Variants in RAN observed in about 807,000 individuals in gnomAD.
RAN encodes GTP-binding nuclear protein Ran.
Under a neutral mutation model 26.8 loss-of-function variants are expected in RAN, and 2 were observed. The observed-to-expected ratio is 0.07, with a 90% confidence interval of 0.03 to 0.23. The LOEUF (loss-of-function observed/expected upper bound fraction) is 0.23, where lower values mean the gene tolerates loss of function less well. RAN is among the 10% of genes least tolerant of loss of function. The pLI, the probability that RAN is intolerant of heterozygous loss-of-function variation, is 1.00. For missense variants in RAN, 56 were observed against 264.8 expected (o/e 0.21, Z 5.47); for synonymous variants, 132 against 95.9 (o/e 1.38, Z -2.20).
chr12:130,876,014 T>C lies in RAN; in HGVS notation c.*88T>C. 1 of 1,350,482 alleles carries C rather than the reference T, an allele frequency of 7.4e-7. No homozygotes were observed. The highest frequency in any genetic ancestry group is 2.3e-5 in the East Asian group (1 of 43,564). 83.7% of individuals were successfully genotyped at this position (1,350,482 alleles called of 1,614,324 possible). ...CGGTGCAGCGTGTGTGCCACCTCAT[T>C]ATTATCTAGCTAAGCGGAACATGTG... On this transcript the variant is annotated 3_prime_UTR_variant, in exon 7 of 7. Coordinates refer to ENST00000543796, the MANE Select transcript of RAN (RefSeq NM_006325.5).
intron 4 of RAN, chr12:130,873,981 T>G (rs2136402136): frequency 2.6e-6 from 1 of 377,538 alleles, no homozygotes; most frequent in Non-Finnish European, 5.4e-6. Flanking sequence ...CTGAGTAGCT[T>G]GGACTATAGG....
chr12:130,874,461 C>G, intron 4 of RAN, 85 bp from the exon 5 acceptor site: 1 of 1,100,924 alleles, frequency 9.1e-7, no homozygotes, highest in South Asian at 1.6e-5. Flanking sequence ...AAGACTATAA[C>G]TAGTTGAATC....
At chr12:130,873,295 T>C in intron 4 of RAN, 167 bp downstream of exon 4, 1 of 863,888 alleles carries the variant, frequency 1.2e-6, no homozygotes, top group Non-Finnish European at 1.8e-6. Flanking sequence ...GAGAAAATTT[T>C]ATTAAAGTTG....
chr12:130,873,293 T>G, intron 4 of RAN, 165 bp downstream of exon 4: 1 of 864,072 alleles, frequency 1.2e-6, no homozygotes, highest in East Asian at 2.6e-5. Flanking sequence ...CAGAGAAAAT[T>G]TTATTAAAGT....
chr12:130,875,409 G>T (rs1953220541), intron 5 of RAN, among the ~76,000 whole-genome samples: 1 of 151,324 alleles, frequency 6.6e-6, no homozygotes, highest in Admixed American at 6.6e-5. Context: ...TGTGGAGTTG[G>T]GGTCTTGCTC....
chr12:130,875,201 G>T (rs1953216445), intron 5 of RAN, among the ~76,000 whole-genome samples: 1 of 152,040 alleles, frequency 6.6e-6, no homozygotes, highest in African/African-American at 2.4e-5. Context: ...GGCCCGGTTG[G>T]TCAGCTGAAA....
chr12:130,874,029 T>C, intron 4 of RAN: 1 of 391,310 alleles, frequency 2.6e-6, no homozygotes, highest in Non-Finnish European at 5.2e-6. Flanking sequence ...TGTATTTTTT[T>C]GTAGAGATGG....
At position 130,876,130 on chromosome 12, in the gene RAN, T is replaced by A; in HGVS notation, c.*204T>A. ...ACTTCATTGTTTGGACCTGCATATTTAGCTGTTTTGGAACGCAGTTGATTC... is the reference window on the plus strand; with the variant it reads ...ACTTCATTGTTTGGACCTGCATATTAAGCTGTTTTGGAACGCAGTTGATTC... On this transcript the variant is annotated 3_prime_UTR_variant, in exon 7 of 7. Coordinates refer to ENST00000543796, the MANE Select transcript of RAN (RefSeq NM_006325.5). 1 of 604,452 alleles carries A rather than the reference T, an allele frequency of 1.7e-6. No individual in the cohort carries two copies. Among genetic ancestry groups the A allele is most frequent in the Non-Finnish European group, 2.9e-6 (1 of 346,634 alleles). The allele number at this position is 604,452 out of a possible 1,614,324, so 37.4% of individuals were successfully genotyped here.
rs1383663303 is a variant in RAN at position 130,877,526 on chromosome 12, T to G, written c.*1600T>G. ...GTGTTGTTTGTAACCTTGTGGAGATTGCAAGTGGTGTTGACATTCTGGATC... is the reference window on the plus strand; with the variant it reads ...GTGTTGTTTGTAACCTTGTGGAGATGGCAAGTGGTGTTGACATTCTGGATC... On this transcript the variant is annotated 3_prime_UTR_variant, in exon 7 of 7. Transcript: ENST00000543796. The G allele has an allele frequency of 1.3e-5, 2 of 152,228 alleles. No homozygotes were observed. The highest frequency in any genetic ancestry group is 2.9e-5 in the Non-Finnish European group (2 of 68,046). 9.4% of individuals were successfully genotyped at this position (152,228 alleles called of 1,614,324 possible). A position where few individuals can be genotyped will look rare whatever the true frequency, so the allele number is the denominator to read the frequency against.
Position 130,876,010 on chromosome 12 carries a change from T to C in RAN, c.*84T>C. Reference sequence around the variant, plus strand: ...TCAGCGGTGCAGCGTGTGTGCCACCTCATTATTATCTAGCTAAGCGGAACA... The same window carrying C: ...TCAGCGGTGCAGCGTGTGTGCCACCCCATTATTATCTAGCTAAGCGGAACA... On this transcript the variant is annotated 3_prime_UTR_variant, in exon 7 of 7. Coordinates refer to ENST00000543796, the MANE Select transcript of RAN (RefSeq NM_006325.5). 1 of 1,366,788 alleles carries C rather than the reference T, an allele frequency of 7.3e-7. No homozygotes were observed. Among genetic ancestry groups the C allele is most frequent in the Non-Finnish European group, 1.0e-6 (1 of 961,704 alleles). The allele number at this position is 1,366,788 out of a possible 1,614,324, so 84.7% of individuals were successfully genotyped here.
rs1953272488 is a variant in RAN at position 130,877,599 on chromosome 12, ACG to A, written c.*1674_*1675del. 5 of 152,220 alleles carry A rather than the reference ACG, an allele frequency of 3.3e-5. No homozygotes were observed. Among genetic ancestry groups the A allele is most frequent in the African/African-American group, 1.2e-4 (5 of 41,432 alleles). 9.4% of individuals were successfully genotyped at this position (152,220 alleles called of 1,614,324 possible). On this transcript the variant is annotated 3_prime_UTR_variant, in exon 7 of 7. Coordinates refer to ENST00000543796, the MANE Select transcript of RAN (RefSeq NM_006325.5). ...GGAAGTGACGTCACTTACCTGTCTA[ACG>A]TGGTGTGGGAGAGAATTTACAAGTC...
intron 5 of RAN, among the ~76,000 whole-genome samples, 183 bp downstream of exon 5, chr12:130,874,916 G>A (rs1052127874): frequency 1.3e-5 from 2 of 152,058 alleles, no homozygotes; most frequent in African/African-American, 2.4e-5. Flanking sequence ...TCCGCCTCCC[G>A]GGTTCAAGCA....
At chr12:130,874,234 A>G in intron 4 of RAN, 1 of 290,558 alleles carries the variant, frequency 3.4e-6, no homozygotes, top group Non-Finnish European at 6.5e-6. Flanking sequence ...TCCAGGCCCT[A>G]CCCTCAGAAT....
chr12:130,877,592 C>T lies in RAN; in HGVS notation c.*1666C>T, dbSNP rs1303377176. 6.6e-6 allele frequency: 1 copy of T among 152,276 alleles called. No individual in the cohort carries two copies. Among genetic ancestry groups the T allele is most frequent in the East Asian group, 1.9e-4 (1 of 5,190 alleles). 9.4% of individuals were successfully genotyped at this position (152,276 alleles called of 1,614,324 possible). ...GAAATTTGGAAGTGACGTCACTTACCTGTCTAACGTGGTGTGGGAGAGAAT... is the reference window on the plus strand; with the variant it reads ...GAAATTTGGAAGTGACGTCACTTACTTGTCTAACGTGGTGTGGGAGAGAAT... On this transcript the variant is annotated 3_prime_UTR_variant, in exon 7 of 7. Transcript: ENST00000543796.
intron 4 of RAN, chr12:130,873,658 CAAG>C (rs1953183422): frequency 6.3e-6 from 1 of 159,454 alleles, no homozygotes; most frequent in South Asian, 1.7e-4. Context: ...AAAGAGGAAT[CAAG>C]AAAATACTCA....
At chr12:130,873,205 T>A in intron 4 of RAN, 77 bp downstream of exon 4, 2 of 1,577,370 alleles carry the variant, frequency 1.3e-6, no homozygotes, top group South Asian at 2.3e-5. Context: ...GAAAATCAGG[T>A]CTGTTCCAAC....
At chr12:130,874,385 A>G (rs376713677) in intron 4 of RAN, 161 bp from the exon 5 acceptor site, 2 of 577,690 alleles carry the variant, frequency 3.5e-6, no homozygotes, top group East Asian at 2.9e-5. Context: ...ATTGTGTATT[A>G]ACATTTTTAG....
chr12:130,875,731 A>G lies in RAN; in HGVS notation c.555A>G (p.Pro185=). The G allele has an allele frequency of 3.1e-6, 5 of 1,614,148 alleles. No individual in the cohort carries two copies. Among genetic ancestry groups the G allele is most frequent in the Middle Eastern group, 1.6e-4 (1 of 6,062 alleles). ...EFVAMPALAP[P]EVVMDPALAA... is the part of the protein sequence containing the mutation. ...TTGCCATGCCTGCTCTCGCCCCACC[A>G]GAAGTTGTCATGGACCCAGCTTTGG... is the stretch of plus-strand genomic sequence containing the variant. The change falls in exon 6 of 7, where the codon CCA becomes CCG. Residue 185 remains proline, a synonymous_variant. Transcript: ENST00000543796.
chr12:130,873,562 G>A (rs1271593792), intron 4 of RAN: 1 of 170,902 alleles, frequency 5.9e-6, no homozygotes, highest in Non-Finnish European at 1.3e-5. Context: ...CTGATTTCTT[G>A]TTAAATTGTT....
Sources: gnomAD v4.1 joint callset for allele counts (sites outside exome capture counted in the v4.1 genomes callset) on GRCh38, gnomAD v4.1.1 for gene constraint, MANE v1.5 for transcripts, NCBI Gene and HGNC (gene_info 2026-07-23, HGNC 2026-07-21) for gene names.